The following DLG2 variants were observed in gnomAD, a reference collection of about 807,000 sequenced individuals.
DLG2 encodes the protein discs large MAGUK scaffold protein 2.
DLG2 carries 45 observed loss-of-function variants against 132.5 expected under a neutral mutation model. That is an observed-to-expected ratio of 0.34 (90% CI 0.27 to 0.44). The LOEUF (loss-of-function observed/expected upper bound fraction) is 0.44, where lower values mean the gene tolerates loss of function less well. Ranked by LOEUF, DLG2 falls within the 20% of genes least tolerant of loss-of-function variation. The probability of loss-of-function intolerance (pLI) is 1.00; values close to 1 mark genes in which losing one functional copy is unlikely to be tolerated. For missense variants in DLG2, 1,045 were observed against 1,196.9 expected, an observed-to-expected ratio of 0.87 and a Z score of 1.87; for synonymous variants, 424 against 419.6, an observed-to-expected ratio of 1.01 and a Z score of -0.13.
intron 8 of DLG2, among the ~76,000 whole-genome samples, chr11:84,241,379 G>C (rs920555563): frequency 6.6e-6 from 1 of 152,134 alleles, no homozygotes. Flanking sequence ...AAGAGCCTTC[G>C]GGGAAGCTCC....
chr11:83,476,580 C>T (rs2092635202), intron 22 of DLG2, among the ~76,000 whole-genome samples: 1 of 152,062 alleles, frequency 6.6e-6, no homozygotes, highest in Non-Finnish European at 1.5e-5. Context: ...ACGTACAGTC[C>T]TTAAAATCAG....
chr11:83,900,648 C>T (rs1264491799), intron 15 of DLG2, among the ~76,000 whole-genome samples: 4 of 152,178 alleles, frequency 2.6e-5, no homozygotes, highest in African/African-American at 4.8e-5. Context: ...TTGGAACCTC[C>T]ACCTAGATTT....
rs578255756 is a variant in DLG2 at position 84,644,163 on chromosome 11, G to T, written c.358-109432C>A. On this transcript the variant is annotated intron_variant, in intron 6 of 27. Transcript: ENST00000376104. ...AAATCATTCCTGAGTTTTCCCGGGG[G>T]CTGAGATGGGTCTTTTCAAAGGTCC... 2.0e-5 allele frequency among the ~76,000 whole-genome samples: 3 copies of T among 152,222 alleles called. No homozygotes were observed. In the South Asian group the frequency reaches 6.2e-4, roughly 32 times the overall value.
intron 3 of DLG2, among the ~76,000 whole-genome samples, chr11:85,551,740 G>A (rs114424005): frequency 0.017 from 2,535 of 152,080 alleles, 64 homozygotes; most frequent in African/African-American, 0.058. Context: ...GAGTATTCCT[G>A]TTCAAGCCTT....
chr11:83,990,204 C>A (rs2093629199), intron 11 of DLG2, among the ~76,000 whole-genome samples: 1 of 151,986 alleles, frequency 6.6e-6, no homozygotes, highest in Non-Finnish European at 1.5e-5. Flanking sequence ...AAAAGGCATG[C>A]CAAATTTAAG....
chr11:84,912,540 G>A (rs1034246352), intron 6 of DLG2, among the ~76,000 whole-genome samples: 4 of 152,214 alleles, frequency 2.6e-5, no homozygotes, highest in African/African-American at 9.6e-5. Flanking sequence ...CATGATACAA[G>A]GTAGATTCTT....
intron 6 of DLG2, chr11:84,545,182 C>T: frequency 2.2e-6 from 1 of 455,416 alleles, no homozygotes; most frequent in Non-Finnish European, 4.3e-6. Flanking sequence ...ACCACGAGAG[C>T]CTCCTTGGTT....
intron 7 of DLG2, among the ~76,000 whole-genome samples, chr11:84,283,508 A>G (rs963351967): frequency 2.0e-5 from 3 of 152,246 alleles, no homozygotes; most frequent in Admixed American, 6.5e-5. Flanking sequence ...AGAATTAAGT[A>G]ATAGATCTAA....
intron 7 of DLG2, among the ~76,000 whole-genome samples, chr11:84,275,041 C>T (rs2097771103): frequency 6.6e-6 from 1 of 152,154 alleles, no homozygotes; most frequent in South Asian, 2.1e-4. Context: ...AAATAAAAAG[C>T]TGTCTTTTAA....
rs547881446 is a variant in DLG2, at chr11:84,597,655, T to A, written c.358-62924A>T. On this transcript the variant is annotated intron_variant, in intron 6 of 27. Coordinates refer to ENST00000376104, the MANE Select transcript of DLG2 (RefSeq NM_001142699.3). ...TGAACCATTAAAGCAGCAGTTAGAG[T>A]TACTAGATGTAAATAAAGAAAAATC... is the stretch of plus-strand genomic sequence containing the variant. Among the ~76,000 whole-genome samples the A allele has an allele frequency of 3.2e-4, 48 of 152,176 alleles. 1 individual carries two copies. The highest frequency in any genetic ancestry group is 9.9e-4 in the African/African-American group (41 of 41,516).
At chr11:85,082,231 T>C (rs924841904) in intron 6 of DLG2, among the ~76,000 whole-genome samples, 12 of 152,178 alleles carry the variant, frequency 7.9e-5, no homozygotes, top group Non-Finnish European at 1.3e-4. Flanking sequence ...AATTAAGTTA[T>C]ACTGGAGGAA....
At chr11:84,457,406 G>C (rs2099068247) in intron 7 of DLG2, among the ~76,000 whole-genome samples, 1 of 150,922 alleles carries the variant, frequency 6.6e-6, no homozygotes, top group Non-Finnish European at 1.5e-5. Flanking sequence ...CTAAAATTCA[G>C]TAAAAATACA....
intron 18 of DLG2, among the ~76,000 whole-genome samples, chr11:83,743,756 T>G (rs943142590): frequency 6.6e-6 from 1 of 152,106 alleles, no homozygotes; most frequent in African/African-American, 2.4e-5. Context: ...CTTCATCTTC[T>G]CAGTGCTTCA....
At position 85,462,654 on chromosome 11, in the gene DLG2, G is replaced by T. The variant is rs181615043; in HGVS notation, c.40+136003C>A. Among the ~76,000 whole-genome samples, 1,416 of 152,176 alleles carry T rather than the reference G, an allele frequency of 9.3e-3. 19 individuals carry two copies. Among genetic ancestry groups the T allele is most frequent in the African/African-American group, 0.031 (1,267 of 41,496 alleles). ...CATCACACACCGGGGCCTGTTGTGG[G>T]GTGGGGGGAGCGGGGAGGGATAGCA... On this transcript the variant is annotated intron_variant, in intron 3 of 27. Transcript: ENST00000376104.
intron 7 of DLG2, among the ~76,000 whole-genome samples, chr11:84,368,588 A>T (rs2098693571): frequency 6.6e-6 from 1 of 152,126 alleles, no homozygotes; most frequent in Non-Finnish European, 1.5e-5. Context: ...TCTAAGTTAG[A>T]TATTAGGAGT....
chr11:84,514,830 C>T (rs932586147), intron 7 of DLG2, among the ~76,000 whole-genome samples: 1 of 151,876 alleles, frequency 6.6e-6, no homozygotes, highest in African/African-American at 2.4e-5. Context: ...CTGTTTGTAA[C>T]ACAAAGGATA....
At chr11:84,430,163 C>T (rs962807838) in intron 7 of DLG2, among the ~76,000 whole-genome samples, 1 of 152,134 alleles carries the variant, frequency 6.6e-6, no homozygotes, top group Non-Finnish European at 1.5e-5. Context: ...AATAGCCAGG[C>T]ACAGTGGTTC....
At chr11:84,409,063 C>T (rs559510771) in intron 7 of DLG2, among the ~76,000 whole-genome samples, 22 of 152,324 alleles carry the variant, frequency 1.4e-4, no homozygotes, top group South Asian at 2.1e-4. Flanking sequence ...CTGCTCAAGT[C>T]TCATCTCCTG....
intron 6 of DLG2, among the ~76,000 whole-genome samples, chr11:84,919,542 C>T (rs568722730): frequency 1.5e-4 from 23 of 152,228 alleles, no homozygotes; most frequent in African/African-American, 5.1e-4. Flanking sequence ...CTGCTTCTGA[C>T]ACACTGTGGA....
Sources: allele counts gnomAD v4.1 joint callset (sites outside exome capture counted in the v4.1 genomes callset), GRCh38; gene constraint gnomAD v4.1.1; transcripts MANE v1.5; gene names NCBI Gene and HGNC (gene_info 2026-07-23, HGNC 2026-07-21).